The following PPARGC1B variants were observed in gnomAD, a reference collection of about 807,000 sequenced individuals.
PPARGC1B encodes the protein peroxisome proliferator-activated receptor gamma coactivator 1-beta.
In PPARGC1B, 34 loss-of-function variants were observed where a neutral mutation model predicts 101.6. The ratio of observed to expected loss-of-function variants is 0.33; its 90% CI spans 0.25 to 0.45. PPARGC1B has a LOEUF of 0.45. Ranked by LOEUF, PPARGC1B falls within the 20% of genes least tolerant of loss-of-function variation. PPARGC1B has a pLI of 1.00. For synonymous variants in PPARGC1B, 548 were observed against 539.3 expected (o/e 1.02, Z -0.22); for missense variants, 1,234 against 1,317.6 (o/e 0.94, Z 0.98).
At chr5:149,764,427 G>C (rs991434757) in intron 1 of PPARGC1B, among the ~76,000 whole-genome samples, 2 of 152,230 alleles carry the variant, frequency 1.3e-5, no homozygotes, top group Admixed American at 6.5e-5. Context: ...TGTGGAAACT[G>C]TGCTTAGTGG....
chr5:149,801,702 G>A (rs1362114517), intron 1 of PPARGC1B, among the ~76,000 whole-genome samples: 1 of 152,190 alleles, frequency 6.6e-6, no homozygotes, highest in East Asian at 1.9e-4. Flanking sequence ...TAGCCGCCTG[G>A]TGGGGGCTGG....
At chr5:149,752,334 T>G (rs1279980397) in intron 1 of PPARGC1B, among the ~76,000 whole-genome samples, 2 of 152,228 alleles carry the variant, frequency 1.3e-5, no homozygotes, top group African/African-American at 4.8e-5. Flanking sequence ...CTGATCCACC[T>G]TGTGATTCAG....
At position 149,787,209 on chromosome 5, in the gene PPARGC1B, T is replaced by C. The variant is rs924643947; in HGVS notation, c.79-33224T>C. Among the ~76,000 whole-genome samples, 3 of 152,196 alleles carry C rather than the reference T, an allele frequency of 2.0e-5. No homozygotes were observed. In the East Asian group the frequency reaches 5.8e-4, roughly 29 times the overall value. ...GCCAGTATCCTAAGGCAAACTCTTA[T>C]TGTCTGGATTGGGGGCACATATTCA... On this transcript the variant is annotated intron_variant, in intron 1 of 11. Transcript: ENST00000309241.
chr5:149,830,936 C>T, intron 4 of PPARGC1B, 53 bp downstream of exon 4: 1 of 1,247,848 alleles, frequency 8.0e-7, no homozygotes, highest in Non-Finnish European at 1.2e-6. Flanking sequence ...GGGGCTGCAG[C>T]CTTCAGCTCT....
intron 1 of PPARGC1B, among the ~76,000 whole-genome samples, chr5:149,732,046 GT>G: frequency 2.0e-4 from 1 of 4,962 alleles, no homozygotes; most frequent in African/African-American, 1.2e-3. Context: ...GCGCGCGCGG[GT>G]GTGTGTGTGT....
rs2113398072 is a variant in PPARGC1B, at chr5:149,832,686, A to G, written c.613A>G (p.Met205Val). 1.3e-6 allele frequency: 2 copies of G among 1,556,340 alleles called. No individual in the cohort carries two copies. Among genetic ancestry groups the G allele is most frequent in the Non-Finnish European group, 1.7e-6 (2 of 1,148,100 alleles). ...CAGCACCCAAGACAAGAAGGCTCCC[A>G]TGATGCAGTCTCAGAGCCGAAGTTG... ...ADSTQDKKAP[M>V]MQSQSRSCTE... The change falls in exon 5 of 12, where the codon ATG becomes GTG. Residue 205 changes from methionine (M) to valine (V), a missense_variant. Transcript: ENST00000309241. This position sits in a 1 kb window ranked among gnomAD's most constrained non-coding sequence, Gnocchi z 4.9.
At chr5:149,756,418 C>CTCTA (rs960746071) in intron 1 of PPARGC1B, among the ~76,000 whole-genome samples, 11 of 152,122 alleles carry the variant, frequency 7.2e-5, no homozygotes, top group African/African-American at 2.2e-4. Context: ...CGGCACTGCA[C>CTCTA]TCTAGCCTGG....
Position 149,820,516 on chromosome 5 carries a change from G to C in PPARGC1B, c.162G>C (p.Ser54=), listed in dbSNP as rs200583371. The C allele has an allele frequency of 6.2e-7, 1 of 1,613,850 alleles. No individual in the cohort carries two copies. The highest frequency in any genetic ancestry group is 8.5e-7 in the Non-Finnish European group (1 of 1,180,008). ...LSQLDASDFD[S]ATCFGELQWC... ...AGCTGGATGCCAGCGACTTTGACTC[G>C]GCCACCTGCTTTGGGGAGCTGCAGT... Residue 54 remains serine, a synonymous_variant, in exon 2 of 12, where the codon TCG becomes TCC. Coordinates refer to ENST00000309241, the MANE Select transcript of PPARGC1B (RefSeq NM_133263.4).
In PPARGC1B at chr5:149,836,820, G is replaced by A. The variant is rs1759104318; in HGVS notation, c.2365G>A (p.Asp789Asn). The change falls in exon 8 of 12, where the codon GAC (aspartate) becomes AAC (asparagine). Residue 789 changes from aspartate to asparagine, a missense_variant. Transcript: ENST00000309241. ...GGCCTCCTGCAAGAGCCCTGAGTATGACACTGTCTTTGAAGACAGCAGCAG... is the reference window on the plus strand; with the variant it reads ...GGCCTCCTGCAAGAGCCCTGAGTATAACACTGTCTTTGAAGACAGCAGCAG... ...DLASCKSPEY[D>N]TVFEDSSSSS... The A allele has an allele frequency of 6.2e-7, 1 of 1,613,334 alleles. No individual in the cohort carries two copies. Among genetic ancestry groups the A allele is most frequent in the Admixed American group, 1.7e-5 (1 of 60,004 alleles).
intron 1 of PPARGC1B, among the ~76,000 whole-genome samples, chr5:149,802,047 G>T (rs1055718577): frequency 6.6e-6 from 1 of 152,112 alleles, no homozygotes; most frequent in African/African-American, 2.4e-5. Flanking sequence ...GCTCAGCACC[G>T]CCCCGTCCCT....
chr5:149,737,286 G>A (rs1457942551), intron 1 of PPARGC1B, among the ~76,000 whole-genome samples: 1 of 152,120 alleles, frequency 6.6e-6, no homozygotes, highest in East Asian at 1.9e-4. Flanking sequence ...ACTTAAACCT[G>A]ATTTCCGAAG....
At chr5:149,782,851 G>A (rs1756642522) in intron 1 of PPARGC1B, among the ~76,000 whole-genome samples, 1 of 152,174 alleles carries the variant, frequency 6.6e-6, no homozygotes, top group Non-Finnish European at 1.5e-5. Flanking sequence ...CCTGGGCTCT[G>A]GCCAGATGTT....
At chr5:149,761,556 C>T (rs1303528914) in intron 1 of PPARGC1B, 1 of 152,072 alleles carries the variant, frequency 6.6e-6, no homozygotes, top group Non-Finnish European at 1.5e-5. Context: ...TTACAACAGC[C>T]AAGATATGGA....
At chr5:149,823,048 C>G (rs1485759717) in intron 2 of PPARGC1B, among the ~76,000 whole-genome samples, 2 of 152,246 alleles carry the variant, frequency 1.3e-5, no homozygotes, top group African/African-American at 2.4e-5. Flanking sequence ...TCCTCAGGGA[C>G]AGGGACGTTG....
rs984836905 is a variant in PPARGC1B at position 149,835,597 on chromosome 5, G to A, written c.1807+232G>A. Among the ~76,000 whole-genome samples the A allele has an allele frequency of 2.0e-5, 3 of 152,228 alleles. No individual in the cohort carries two copies. In the East Asian group the frequency reaches 5.8e-4, roughly 29 times the overall value. On this transcript the variant is annotated intron_variant, in intron 7 of 11. Transcript: ENST00000309241. The stretch of plus-strand genomic sequence containing the variant: ...GGGAATGAACCAGCATTACAGGCGT[G>A]AGCCACCGCACCCAGCCCAGGTGGG...
chr5:149,758,018 A>G (rs1020639159), intron 1 of PPARGC1B, among the ~76,000 whole-genome samples: 1 of 152,224 alleles, frequency 6.6e-6, no homozygotes, highest in African/African-American at 2.4e-5. Context: ...AGCGTGAGTA[A>G]TGGCTACCTT....
chr5:149,779,760 G>A (rs1756526421), intron 1 of PPARGC1B, among the ~76,000 whole-genome samples: 1 of 152,210 alleles, frequency 6.6e-6, no homozygotes, highest in African/African-American at 2.4e-5. Flanking sequence ...GGAGGAAGAT[G>A]TGAGAGGCCT....
intron 1 of PPARGC1B, among the ~76,000 whole-genome samples, chr5:149,731,291 C>T (rs943743570): frequency 6.6e-6 from 1 of 152,204 alleles, no homozygotes; most frequent in Admixed American, 6.5e-5. Flanking sequence ...AGGGGTGCTG[C>T]TGGGACAAGC....
At chr5:149,809,687 TAAAAAAAA>T (rs35168335) in intron 1 of PPARGC1B, among the ~76,000 whole-genome samples, 7 of 109,210 alleles carry the variant, frequency 6.4e-5, no homozygotes, top group African/African-American at 1.7e-4. Flanking sequence ...GATCCTTTCT[TAAAAAAAA>T]AAAAAAAAAA....
Sources: gnomAD v4.1 joint callset for allele counts (sites outside exome capture counted in the v4.1 genomes callset) on GRCh38, gnomAD v4.1.1 for gene constraint, Gnocchi (gnomAD v3.1) non-coding constraint, MANE v1.5 for transcripts, NCBI Gene and HGNC (gene_info 2026-07-23, HGNC 2026-07-21) for gene names.